The following FBXO4 variants were observed in gnomAD, a reference collection of about 807,000 sequenced individuals.
FBXO4 encodes F-box only protein 4.
In FBXO4, 36 loss-of-function variants were observed where a neutral mutation model predicts 43.7. The ratio of observed to expected loss-of-function variants is 0.82; its 90% CI spans 0.63 to 1.09. FBXO4 has a LOEUF of 1.09. Ranked by LOEUF, FBXO4 falls within the 50% of genes least tolerant of loss-of-function variation. FBXO4 has a pLI of 0.00. For synonymous variants in FBXO4, 180 were observed against 165.6 expected, an observed-to-expected ratio of 1.09 and a Z score of -0.67; for missense variants, 435 against 474.1, an observed-to-expected ratio of 0.92 and a Z score of 0.77.
the FBXO4 span, chr5:41,968,122 A>G: frequency 3.1e-6 from 1 of 323,478 alleles, no homozygotes; most frequent in South Asian, 2.8e-5. Context: ...TGCTTCATCC[A>G]AAGCTGACAG....
At chr5:42,033,534 T>C in the FBXO4 span, among the ~76,000 whole-genome samples, 10 of 152,152 alleles carry the variant, frequency 6.6e-5, no homozygotes, top group East Asian at 1.9e-3. Context: ...CCTAATGCTC[T>C]TTCTCCCCTC....
At chr5:42,022,925 C>T in the FBXO4 span, among the ~76,000 whole-genome samples, 2,437 of 152,106 alleles carry the variant, frequency 0.016, 122 homozygotes, top group East Asian at 0.1. Context: ...TCAGATTATT[C>T]TGTGAATAGA....
At chr5:41,961,847 A>C in the FBXO4 span, among the ~76,000 whole-genome samples, 1 of 152,176 alleles carries the variant, frequency 6.6e-6, no homozygotes, top group Admixed American at 6.5e-5. Flanking sequence ...TTAGTGGCAA[A>C]AGTAGCCAGT....
chr5:41,985,937 A>G, the FBXO4 span, among the ~76,000 whole-genome samples: 1 of 152,190 alleles, frequency 6.6e-6, no homozygotes, highest in Non-Finnish European at 1.5e-5. Flanking sequence ...TAAAATAAAA[A>G]TAGAGAAAAT....
At chr5:41,959,446 A>G in the FBXO4 span, among the ~76,000 whole-genome samples, 5 of 152,174 alleles carry the variant, frequency 3.3e-5, no homozygotes, top group South Asian at 4.1e-4. Flanking sequence ...GCCGTATTTT[A>G]AAAAGTCCTT....
chr5:41,990,714 T>A, the FBXO4 span, among the ~76,000 whole-genome samples: 1 of 152,178 alleles, frequency 6.6e-6, no homozygotes, highest in Admixed American at 6.5e-5. Flanking sequence ...GCATTTTTAT[T>A]AGACCATGGA....
At chr5:41,976,910 T>C in the FBXO4 span, among the ~76,000 whole-genome samples, 1 of 152,220 alleles carries the variant, frequency 6.6e-6, no homozygotes, top group East Asian at 1.9e-4. Context: ...CTGTGAAATC[T>C]AGGAGAAAGC....
the FBXO4 span, among the ~76,000 whole-genome samples, chr5:41,963,259 T>C: frequency 7.7e-6 from 1 of 129,182 alleles, no homozygotes; most frequent in Non-Finnish European, 1.6e-5. Context: ...ATTAAAAATG[T>C]TTTGAAATTA....
At chr5:41,994,164 G>A in the FBXO4 span, among the ~76,000 whole-genome samples, 3 of 152,104 alleles carry the variant, frequency 2.0e-5, no homozygotes, top group Non-Finnish European at 2.9e-5. Context: ...ACTATCCTTC[G>A]TACAACCAGA....
intron 3 of FBXO4, among the ~76,000 whole-genome samples, chr5:41,931,107 T>C (rs2112573624): frequency 6.6e-6 from 1 of 152,252 alleles, no homozygotes; most frequent in South Asian, 2.1e-4. Flanking sequence ...AAGTAGAGGA[T>C]TGAGATGATC....
the FBXO4 span, among the ~76,000 whole-genome samples, chr5:41,977,727 C>T: frequency 6.6e-6 from 1 of 152,218 alleles, no homozygotes; most frequent in Non-Finnish European, 1.5e-5. Flanking sequence ...GCATGAACCA[C>T]CATGCCTGGT....
the FBXO4 span, among the ~76,000 whole-genome samples, chr5:42,030,813 T>G: frequency 1.3e-5 from 2 of 152,162 alleles, no homozygotes; most frequent in Non-Finnish European, 2.9e-5. Context: ...GAACAGACAC[T>G]TCTCAAAAGA....
chr5:42,033,508 T>C, the FBXO4 span, among the ~76,000 whole-genome samples: 11 of 151,898 alleles, frequency 7.2e-5, no homozygotes, highest in African/African-American at 2.7e-4. Flanking sequence ...AAGCCCCGTA[T>C]GCATTAGCTA....
At chr5:41,952,911 C>T in the FBXO4 span, among the ~76,000 whole-genome samples, 5 of 151,948 alleles carry the variant, frequency 3.3e-5, no homozygotes, top group East Asian at 9.7e-4. Context: ...AGTTTTTCCT[C>T]TCATTAATCA....
intron 2 of FBXO4, among the ~76,000 whole-genome samples, chr5:41,928,056 T>G (rs1346204226): frequency 6.6e-6 from 1 of 152,232 alleles, no homozygotes; most frequent in Non-Finnish European, 1.5e-5. Flanking sequence ...TTTCAAATTT[T>G]GAGTTATTCA....
the FBXO4 span, among the ~76,000 whole-genome samples, chr5:41,965,305 A>G: frequency 6.6e-6 from 1 of 152,296 alleles, no homozygotes; most frequent in East Asian, 1.9e-4. Context: ...TATAGTTTGA[A>G]GTCAGGTAGC....
chr5:41,938,856 C>T (rs957556319), intron 5 of FBXO4, among the ~76,000 whole-genome samples: 1 of 152,194 alleles, frequency 6.6e-6, no homozygotes, highest in Non-Finnish European at 1.5e-5. Flanking sequence ...CATGTGACTC[C>T]CTCCATCTTC....
At chr5:42,031,994 T>C in the FBXO4 span, among the ~76,000 whole-genome samples, 1 of 152,030 alleles carries the variant, frequency 6.6e-6, no homozygotes, top group Admixed American at 6.6e-5. Flanking sequence ...GAGACTCTTG[T>C]TCTCTTCCCT....
downstream of FBXO4, among the ~76,000 whole-genome samples, chr5:41,945,491 C>T (rs1386717650): frequency 6.6e-6 from 1 of 152,008 alleles, no homozygotes; most frequent in Non-Finnish European, 1.5e-5. Flanking sequence ...AAATTGCATG[C>T]AGGGTTGGGT....
Sources: allele counts gnomAD v4.1 joint callset (sites outside exome capture counted in the v4.1 genomes callset), GRCh38; gene constraint gnomAD v4.1.1; transcripts MANE v1.5; gene names NCBI Gene and HGNC (gene_info 2026-07-23, HGNC 2026-07-21).